The following FPR2 variants were observed in gnomAD, a reference collection of about 807,000 sequenced individuals.
The protein encoded by FPR2 is formyl peptide receptor 2, also known as N-formyl peptide receptor 2.
Under a neutral mutation model 4.0 loss-of-function variants are expected in FPR2, and 3 were observed. That is an observed-to-expected ratio of 0.74 (90% confidence interval 0.34 to 1.92). FPR2 has a LOEUF of 1.92. Ranked by LOEUF, FPR2 falls within the 30% of genes most tolerant of loss-of-function variation. FPR2 has a pLI of 0.07. For synonymous variants in FPR2, 179 were observed against 171.5 expected (o/e 1.04, Z -0.34); for missense variants, 372 against 435.7 (o/e 0.85, Z 1.30).
rs2083894759 is a variant in FPR2 at position 51,770,489 on chromosome 19, A to G, written c.*775A>G. Reference sequence around the variant, plus strand: ...TCCTCTGATTCTGTTTTCTGGTGTTATATCTTTATTAAATATTCAGAAAAA... The same window carrying G: ...TCCTCTGATTCTGTTTTCTGGTGTTGTATCTTTATTAAATATTCAGAAAAA... On this transcript the variant is annotated 3_prime_UTR_variant, in exon 2 of 2. Transcript: ENST00000340023. 6.0e-6 allele frequency: 1 copy of G among 167,096 alleles called. No individual in the cohort carries two copies. The highest frequency in any genetic ancestry group is 2.4e-5 in the African/African-American group (1 of 41,470). The allele number at this position is 167,096 out of a possible 1,614,324, so 10.4% of individuals were successfully genotyped here. A position where few individuals can be genotyped will look rare whatever the true frequency, so the allele number is the denominator to read the frequency against.
intron 1 of FPR2, among the ~76,000 whole-genome samples, chr19:51,765,469 A>C (rs1255169913): frequency 1.3e-5 from 2 of 152,240 alleles, no homozygotes; most frequent in South Asian, 2.1e-4. Flanking sequence ...CACCAACCTA[A>C]TATCACTAAG....
chr19:51,767,667 T>G (rs1304331479), intron 1 of FPR2, among the ~76,000 whole-genome samples: 2 of 152,116 alleles, frequency 1.3e-5, no homozygotes, highest in Non-Finnish European at 2.9e-5. Flanking sequence ...CTGTCAAGCG[T>G]AAGGGTTTAG....
Position 51,768,873 on chromosome 19 carries a change from T to A in FPR2, c.215T>A (p.Phe72Tyr). Residue 72 changes from phenylalanine to tyrosine, a missense_variant, in exon 2 of 2, where the codon TTT becomes TAT. Transcript: ENST00000340023. ...ICYLNLALAD[F>Y]SFTATLPFLI... ...TACCTGAACCTGGCCCTGGCTGACT[T>A]TTCTTTCACGGCCACATTACCATTC... is the stretch of plus-strand genomic sequence containing the variant. 6.2e-7 allele frequency: 1 copy of A among 1,614,140 alleles called. No homozygotes were observed. The highest frequency in any genetic ancestry group is 8.5e-7 in the Non-Finnish European group (1 of 1,180,016).
chr19:51,761,288 C>T (rs1476807393), intron 1 of FPR2, 58 bp downstream of exon 1: 3 of 152,260 alleles, frequency 2.0e-5, no homozygotes, highest in African/African-American at 7.2e-5. Flanking sequence ...CTCTGACAAA[C>T]ACCTCCTAAA....
At position 51,769,346 on chromosome 19, in the gene FPR2, A is replaced by G. The variant is rs1449005167; in HGVS notation, c.688A>G (p.Lys230Glu). ...CYGLIAAKIH[K>E]KGMIKSSRPL... ...TGGGCTCATTGCAGCCAAGATCCAC[A>G]AAAAGGGCATGATTAAATCCAGCCG... Residue 230 changes from lysine (K) to glutamate (E), a missense_variant, in exon 2 of 2, where the codon AAA (lysine) becomes GAA (glutamate). By Grantham distance (56) the Lys-to-Glu change is moderately conservative (BLOSUM62 1). Transcript: ENST00000340023. This position sits in a 1 kb window ranked among gnomAD's most constrained non-coding sequence, Gnocchi z 4.4. The G allele has an allele frequency of 1.2e-6, 2 of 1,614,056 alleles. No individual in the cohort carries two copies. The highest frequency in any genetic ancestry group is 1.7e-6 in the Non-Finnish European group (2 of 1,180,036).
At chr19:51,768,192 T>C (rs2083878270) in intron 1 of FPR2, among the ~76,000 whole-genome samples, 1 of 152,176 alleles carries the variant, frequency 6.6e-6, no homozygotes, top group Admixed American at 6.5e-5. Context: ...TCTCACAGTT[T>C]GAGGGACAGG....
Position 51,769,384 on chromosome 19 carries a change from C to A in FPR2, c.726C>A (p.Val242=). The A allele has an allele frequency of 1.9e-6, 3 of 1,614,222 alleles. No homozygotes were observed. The highest frequency in any genetic ancestry group is 2.5e-6 in the Non-Finnish European group (3 of 1,180,036). The change falls in exon 2 of 2, where the codon GTC becomes GTA. Residue 242 remains valine (V), a synonymous_variant. Transcript: ENST00000340023. This position sits in a 1 kb window ranked among gnomAD's most constrained non-coding sequence, Gnocchi z 4.4. ...GMIKSSRPLR[V]LTAVVASFFI... ...TTAAATCCAGCCGTCCCTTACGGGTCCTCACTGCTGTGGTGGCTTCTTTCT... is the reference window on the plus strand; with the variant it reads ...TTAAATCCAGCCGTCCCTTACGGGTACTCACTGCTGTGGTGGCTTCTTTCT...
chr19:51,767,339 C>T (rs56223802), intron 1 of FPR2, among the ~76,000 whole-genome samples: 12,062 of 152,044 alleles, frequency 0.079, 585 homozygotes, highest in South Asian at 0.17. Flanking sequence ...AGATGTGATC[C>T]GGACCAGAGG....
chr19:51,769,150 G>T lies in FPR2; in HGVS notation c.492G>T (p.Leu164Phe). The change falls in exon 2 of 2, where the codon TTG becomes TTT. Residue 164 changes from leucine to phenylalanine, a missense_variant. By Grantham distance (22) the Leu-to-Phe change is conservative (BLOSUM62 0). Transcript: ENST00000340023. The surrounding 1 kb of genome is among the most constrained non-coding windows in gnomAD (Gnocchi z 4.4). ...LVLTLPVFLF[L>F]TTVTIPNGDT... ...TTACCTTGCCAGTTTTCCTCTTTTTGACTACAGTAACTATTCCAAATGGGG... is the reference window on the plus strand; with the variant it reads ...TTACCTTGCCAGTTTTCCTCTTTTTTACTACAGTAACTATTCCAAATGGGG... 1.9e-6 allele frequency: 3 copies of T among 1,614,118 alleles called. No individual in the cohort carries two copies. Among genetic ancestry groups the T allele is most frequent in the Non-Finnish European group, 1.7e-6 (2 of 1,180,036 alleles).
intron 1 of FPR2, among the ~76,000 whole-genome samples, chr19:51,761,951 G>A (rs903057804): frequency 1.3e-5 from 2 of 152,176 alleles, no homozygotes; most frequent in Admixed American, 6.5e-5. Flanking sequence ...TGTGTCCCAC[G>A]AGAGTGCAGA....
At chr19:51,764,460 G>A (rs1021443701) in intron 1 of FPR2, among the ~76,000 whole-genome samples, 5 of 152,148 alleles carry the variant, frequency 3.3e-5, no homozygotes, top group Non-Finnish European at 7.4e-5. Flanking sequence ...GAGTGCGCTG[G>A]AGAAGTAGAG....
In FPR2 at chr19:51,769,217, C is replaced by A; in HGVS notation, c.559C>A (p.Pro187Thr). ...TFNFASWGGT[P>T]EERLKVAITM... Reference sequence around the variant, plus strand: ...CAACTTTGCATCCTGGGGTGGCACCCCTGAGGAGAGGCTGAAGGTGGCCAT... The same window carrying A: ...CAACTTTGCATCCTGGGGTGGCACCACTGAGGAGAGGCTGAAGGTGGCCAT... The change falls in exon 2 of 2, where the codon CCT becomes ACT. Residue 187 changes from proline to threonine, a missense_variant. Coordinates refer to ENST00000340023, the MANE Select transcript of FPR2 (RefSeq NM_001005738.2). The surrounding 1 kb of genome is among the most constrained non-coding windows in gnomAD (Gnocchi z 4.4). 1 of 1,614,144 alleles carries A rather than the reference C, an allele frequency of 6.2e-7. No individual in the cohort carries two copies.
intron 1 of FPR2, among the ~76,000 whole-genome samples, chr19:51,767,513 G>T (rs1327323974): frequency 6.6e-6 from 1 of 152,168 alleles, no homozygotes; most frequent in African/African-American, 2.4e-5. Context: ...AAGGGATTCT[G>T]GTTAGTGCTA....
intron 1 of FPR2, chr19:51,763,032 G>T (rs891312090): frequency 6.6e-6 from 1 of 152,168 alleles, no homozygotes; most frequent in African/African-American, 2.4e-5. Context: ...TCAACTGTTT[G>T]GTTGAGCCAC....
chr19:51,768,906 T>C lies in FPR2; in HGVS notation c.248T>C (p.Val83Ala). ...ACGGCCACATTACCATTCCTCATTG[T>C]CTCCATGGCCATGGGAGAAAAATGG... Reference protein sequence around the residue: ...SFTATLPFLIVSMAMGEKWPF... With the variant: ...SFTATLPFLIASMAMGEKWPF... Residue 83 changes from valine (V) to alanine (A), a missense_variant, in exon 2 of 2, where the codon GTC becomes GCC. Transcript: ENST00000340023. The C allele has an allele frequency of 6.2e-7, 1 of 1,614,180 alleles. No individual in the cohort carries two copies.
chr19:51,762,207 TC>T, intron 1 of FPR2, among the ~76,000 whole-genome samples: 1 of 149,536 alleles, frequency 6.7e-6, no homozygotes, highest in Non-Finnish European at 1.5e-5. Context: ...TGCCTCAGCC[TC>T]CCAAGTAGCT....
intron 1 of FPR2, among the ~76,000 whole-genome samples, chr19:51,764,997 T>C (rs1382240265): frequency 1.3e-5 from 2 of 152,316 alleles, no homozygotes; most frequent in Non-Finnish European, 2.9e-5. Context: ...CAGCTAATTT[T>C]TGTATTTTTA....
Position 51,769,258 on chromosome 19 carries a change from C to T in FPR2, c.600C>T (p.Ala200=). 1 of 1,614,188 alleles carries T rather than the reference C, an allele frequency of 6.2e-7. No individual in the cohort carries two copies. Among genetic ancestry groups the T allele is most frequent in the Non-Finnish European group, 8.5e-7 (1 of 1,180,046 alleles). Residue 200 remains alanine (A), a synonymous_variant, in exon 2 of 2, where the codon GCC becomes GCT. Transcript: ENST00000340023. This position sits in a 1 kb window ranked among gnomAD's most constrained non-coding sequence, Gnocchi z 4.4. ...AGGTGGCCATTACCATGCTGACAGC[C>T]AGAGGGATTATCCGGTTTGTCATTG... ...RLKVAITMLT[A]RGIIRFVIGF... is the part of the protein sequence containing the mutation.
intron 1 of FPR2, among the ~76,000 whole-genome samples, chr19:51,767,031 A>C (rs1382588552): frequency 6.6e-6 from 1 of 152,132 alleles, no homozygotes; most frequent in East Asian, 1.9e-4. Context: ...CATCACTGAG[A>C]TATTAAGCCT....
Sources: gnomAD v4.1 joint callset for allele counts (sites outside exome capture counted in the v4.1 genomes callset) on GRCh38, gnomAD v4.1.1 for gene constraint, Gnocchi (gnomAD v3.1) non-coding constraint, MANE v1.5 for transcripts, NCBI Gene and HGNC (gene_info 2026-07-23, HGNC 2026-07-21) for gene names.